Variants in MECOM observed in about 807,000 individuals in gnomAD.
MECOM encodes MDS1 and EVI1 complex locus.
Under a neutral mutation model 116.3 loss-of-function variants are expected in MECOM, and 13 were observed. The ratio of observed to expected loss-of-function variants is 0.11; its 90% CI spans 0.07 to 0.18. The LOEUF is 0.18. MECOM is among the 10% of genes least tolerant of loss of function. MECOM has a pLI of 1.00. For missense variants in MECOM, 1,299 were observed against 1,509.0 expected (o/e 0.86, Z 2.31); for synonymous variants, 528 against 535.2 (o/e 0.99, Z 0.19).
intron 1 of MECOM, among the ~76,000 whole-genome samples, chr3:169,398,357 C>T (rs1735329387): frequency 6.6e-6 from 1 of 152,054 alleles, no homozygotes; most frequent in African/African-American, 2.4e-5. Flanking sequence ...GTTCTACATC[C>T]CATTTTAAAA....
At chr3:169,396,349 C>T (rs1577972647) in intron 1 of MECOM, among the ~76,000 whole-genome samples, 1 of 152,100 alleles carries the variant, frequency 6.6e-6, no homozygotes, top group Non-Finnish European at 1.5e-5. Flanking sequence ...ATATGGTACC[C>T]AGGAGTCACA....
chr3:169,572,640 A>C (rs543243100), intron 1 of MECOM, among the ~76,000 whole-genome samples: 4 of 152,222 alleles, frequency 2.6e-5, no homozygotes, highest in Non-Finnish European at 5.9e-5. Context: ...GCACATGTAC[A>C]CCAGGGAATA....
chr3:169,207,221 C>T (rs1750057208), intron 2 of MECOM, among the ~76,000 whole-genome samples: 1 of 152,306 alleles, frequency 6.6e-6, no homozygotes, highest in South Asian at 2.1e-4. Context: ...TGCAGTATCT[C>T]TGAAGGATGA....
chr3:169,354,555 T>A (rs1335862378), intron 2 of MECOM, among the ~76,000 whole-genome samples: 1 of 151,948 alleles, frequency 6.6e-6, no homozygotes, highest in African/African-American at 2.4e-5. Flanking sequence ...ACCCATAGGT[T>A]AAATCCTAGC....
intron 1 of MECOM, among the ~76,000 whole-genome samples, chr3:169,493,617 A>G (rs1275433929): frequency 6.6e-6 from 1 of 152,114 alleles, no homozygotes; most frequent in Non-Finnish European, 1.5e-5. Flanking sequence ...GTGTATATTT[A>G]TATACTGGGT....
At chr3:169,374,979 A>T (rs529185498) in intron 2 of MECOM, among the ~76,000 whole-genome samples, 2 of 151,956 alleles carry the variant, frequency 1.3e-5, no homozygotes, top group African/African-American at 4.8e-5. Flanking sequence ...AGCTTTGATC[A>T]TACCACCAAA....
chr3:169,217,944 T>C (rs1751617802), intron 2 of MECOM, among the ~76,000 whole-genome samples: 1 of 151,298 alleles, frequency 6.6e-6, no homozygotes, highest in Admixed American at 6.6e-5. Context: ...ATTTACAACA[T>C]GGCCTTGACA....
chr3:169,619,195 G>C (rs928977173), intron 1 of MECOM, among the ~76,000 whole-genome samples: 1 of 152,220 alleles, frequency 6.6e-6, no homozygotes, highest in African/African-American at 2.4e-5. Context: ...GGCTAACACA[G>C]CCCTCACTCC....
chr3:169,375,590 A>G (rs1372255539), intron 2 of MECOM, among the ~76,000 whole-genome samples: 1 of 152,184 alleles, frequency 6.6e-6, no homozygotes, highest in Non-Finnish European at 1.5e-5. Flanking sequence ...AGAAATGGAT[A>G]AATTCCTGGA....
chr3:169,621,898 CATT>C (rs1277580197), intron 1 of MECOM, among the ~76,000 whole-genome samples: 1 of 152,130 alleles, frequency 6.6e-6, no homozygotes, highest in African/African-American at 2.4e-5. Flanking sequence ...TTACCTGCAT[CATT>C]GACAGGAGAG....
chr3:169,371,370 G>C (rs1046270481), intron 2 of MECOM, among the ~76,000 whole-genome samples: 2 of 151,928 alleles, frequency 1.3e-5, no homozygotes, highest in African/African-American at 4.8e-5. Flanking sequence ...GGGGAAATGG[G>C]GAGATGTTGG....
At chr3:169,223,087 A>G (rs1272063444) in intron 2 of MECOM, among the ~76,000 whole-genome samples, 1 of 151,652 alleles carries the variant, frequency 6.6e-6, no homozygotes. Context: ...GACTCTAAGT[A>G]TCTCTGCTTT....
intron 2 of MECOM, among the ~76,000 whole-genome samples, chr3:169,144,093 C>A (rs1484368538): frequency 1.3e-5 from 2 of 152,060 alleles, no homozygotes; most frequent in Non-Finnish European, 2.9e-5. Flanking sequence ...TTTTCATATG[C>A]ATAAATTAGT....
intron 2 of MECOM, among the ~76,000 whole-genome samples, chr3:169,256,648 G>C (rs1756901640): frequency 6.6e-6 from 1 of 152,198 alleles, no homozygotes; most frequent in Admixed American, 6.5e-5. Flanking sequence ...TCTCCTTCGG[G>C]AGATGCTGGA....
chr3:169,380,503 T>C (rs116322887), intron 2 of MECOM, among the ~76,000 whole-genome samples: 2,046 of 152,302 alleles, frequency 0.013, 21 homozygotes, highest in Middle Eastern at 0.041. Context: ...CTATAACTTC[T>C]AATTCTTAGA....
At chr3:169,465,365 T>C (rs1748114704) in intron 1 of MECOM, among the ~76,000 whole-genome samples, 1 of 152,226 alleles carries the variant, frequency 6.6e-6, no homozygotes, top group Non-Finnish European at 1.5e-5. Flanking sequence ...TTCATATTCC[T>C]AGTATTGTTA....
intron 16 of MECOM, 117 bp from the exon 17 acceptor site, chr3:169,085,160 G>T: frequency 7.9e-7 from 1 of 1,265,158 alleles, no homozygotes; most frequent in Non-Finnish European, 1.1e-6. Flanking sequence ...CATCCTTCAT[G>T]GGTGTGTTTG....
At chr3:169,120,353 T>C (rs1730583979) in intron 7 of MECOM, among the ~76,000 whole-genome samples, 2 of 152,176 alleles carry the variant, frequency 1.3e-5, no homozygotes, top group Non-Finnish European at 1.5e-5. Flanking sequence ...TTGAAGGATG[T>C]TACTACAGTG....
intron 2 of MECOM, among the ~76,000 whole-genome samples, chr3:169,287,674 T>G (rs1713613205): frequency 1.3e-5 from 2 of 152,130 alleles, no homozygotes; most frequent in African/African-American, 4.8e-5. Flanking sequence ...ATTTGTACAA[T>G]TAGGAATTGT....
Sources: gnomAD v4.1 joint callset for allele counts (sites outside exome capture counted in the v4.1 genomes callset) on GRCh38, gnomAD v4.1.1 for gene constraint, MANE v1.5 for transcripts, NCBI Gene and HGNC (gene_info 2026-07-23, HGNC 2026-07-21) for gene names.